Variants in UGGT2 observed in about 807,000 individuals in gnomAD.
The protein encoded by UGGT2 is UDP-glucose:glycoprotein glucosyltransferase 2.
Under a neutral mutation model 192.1 loss-of-function variants are expected in UGGT2, and 180 were observed. The observed-to-expected ratio is 0.94, with a 90% CI of 0.83 to 1.06. UGGT2 has a LOEUF of 1.06. Ranked by LOEUF, UGGT2 falls within the 50% of genes least tolerant of loss-of-function variation. The pLI is 0.00. For missense variants in UGGT2, 1,849 were observed against 1,795.7 expected, an observed-to-expected ratio of 1.03 and a Z score of -0.54; for synonymous variants, 580 against 591.0, an observed-to-expected ratio of 0.98 and a Z score of 0.27.
intron 12 of UGGT2, among the ~76,000 whole-genome samples, chr13:95,959,993 A>G (rs1594441990): frequency 6.6e-6 from 1 of 152,274 alleles, no homozygotes; most frequent in East Asian, 1.9e-4. Flanking sequence ...CAGAGACACC[A>G]CTGATGCTGT....
At chr13:95,961,381 T>C (rs917770804) in intron 12 of UGGT2, among the ~76,000 whole-genome samples, 1 of 152,048 alleles carries the variant, frequency 6.6e-6, no homozygotes, top group South Asian at 2.1e-4. Flanking sequence ...TAAAGAGATA[T>C]ATAAACTGGA....
At chr13:95,874,817 A>T (rs1328752983) in intron 29 of UGGT2, among the ~76,000 whole-genome samples, 1 of 151,820 alleles carries the variant, frequency 6.6e-6, no homozygotes, top group African/African-American at 2.4e-5. Flanking sequence ...TCAGCCTCCC[A>T]AGTAACTAGG....
At chr13:95,857,209 A>G (rs967380298) in intron 33 of UGGT2, among the ~76,000 whole-genome samples, 1 of 152,108 alleles carries the variant, frequency 6.6e-6, no homozygotes, top group Non-Finnish European at 1.5e-5. Flanking sequence ...AACAGCTGCC[A>G]GGAGTCATTG....
chr13:95,893,079 T>C (rs2047847674), intron 24 of UGGT2, among the ~76,000 whole-genome samples: 1 of 152,166 alleles, frequency 6.6e-6, no homozygotes. Context: ...AAAAATATAA[T>C]TGTTTTTTCT....
At chr13:95,838,677 G>C (rs957264497) in intron 36 of UGGT2, among the ~76,000 whole-genome samples, 1 of 151,804 alleles carries the variant, frequency 6.6e-6, no homozygotes. Flanking sequence ...GTAAACCTAA[G>C]ACTGCTCTAA....
At chr13:95,998,082 G>A (rs1228566208) in intron 6 of UGGT2, among the ~76,000 whole-genome samples, 1 of 152,152 alleles carries the variant, frequency 6.6e-6, no homozygotes, top group Admixed American at 6.6e-5. Context: ...GAAGACCTAA[G>A]ATCAGAGAGA....
Position 95,887,883 on chromosome 13 carries a change from CAGATTT to C in UGGT2, c.3038+3_3038+8del. ...TTTTCAAAATGAAATTTTGTTCACT[CAGATTT>C]ACCTTTCTAAAGGGGCTTCTGAAAG... On this transcript the variant is annotated splice_donor_5th_base_variant and intron_variant, in intron 26 of 38. Transcript: ENST00000376747. The C allele has an allele frequency of 6.5e-7, 1 of 1,549,666 alleles. No homozygotes were observed.
chr13:95,837,022 GA>G, intron 37 of UGGT2, 63 bp downstream of exon 37: 1 of 1,260,128 alleles, frequency 7.9e-7, no homozygotes, highest in South Asian at 1.2e-5. Flanking sequence ...AAAACAGAAA[GA>G]AAATATTTCT....
Position 96,038,536 on chromosome 13 carries a change from T to C in UGGT2, c.159-6565A>G, listed in dbSNP as rs555078388. Reference sequence around the variant, plus strand: ...CCAAGGATCCTCTACACATCTTTCCTGGATAACGCCATGTTTGTACTGGGC... The same window carrying C: ...CCAAGGATCCTCTACACATCTTTCCCGGATAACGCCATGTTTGTACTGGGC... On this transcript the variant is annotated intron_variant, in intron 1 of 38. Transcript: ENST00000376747. 5.4e-3 allele frequency among the ~76,000 whole-genome samples: 819 copies of C among 152,318 alleles called. 4 individuals carry two copies. The highest frequency in any genetic ancestry group is 9.2e-3 in the Non-Finnish European group (623 of 68,026).
At chr13:95,870,441 C>T (rs1410423544) in intron 29 of UGGT2, among the ~76,000 whole-genome samples, 5 of 152,144 alleles carry the variant, frequency 3.3e-5, no homozygotes, top group Non-Finnish European at 7.3e-5. Context: ...CTTCTTTTGT[C>T]AAGCACCGTC....
At chr13:95,936,174 C>A (rs1191890831) in intron 17 of UGGT2, among the ~76,000 whole-genome samples, 2 of 152,214 alleles carry the variant, frequency 1.3e-5, no homozygotes, top group African/African-American at 4.8e-5. Context: ...GGTCAAAAGA[C>A]TGGTTTTCAA....
chr13:96,018,017 A>C (rs1326949174), intron 4 of UGGT2, among the ~76,000 whole-genome samples: 1 of 152,238 alleles, frequency 6.6e-6, no homozygotes, highest in Non-Finnish European at 1.5e-5. Flanking sequence ...TGTATCATAC[A>C]TAAATTGGGA....
intron 1 of UGGT2, among the ~76,000 whole-genome samples, chr13:96,032,177 CAT>C (rs1309718835): frequency 6.6e-6 from 1 of 152,052 alleles, no homozygotes; most frequent in Non-Finnish European, 1.5e-5. Flanking sequence ...CAACTATAAA[CAT>C]ATAATCATGT....
At chr13:96,015,105 T>C (rs1412837624) in intron 4 of UGGT2, among the ~76,000 whole-genome samples, 1 of 151,820 alleles carries the variant, frequency 6.6e-6, no homozygotes, top group African/African-American at 2.4e-5. Context: ...GGTGAAACCC[T>C]GTCTGTACCA....
At chr13:95,895,621 C>T (rs760326093) in intron 22 of UGGT2, among the ~76,000 whole-genome samples, 3 of 151,836 alleles carry the variant, frequency 2.0e-5, no homozygotes, top group Non-Finnish European at 4.4e-5. Flanking sequence ...AATCATAAAT[C>T]GTGATTTGAA....
intron 38 of UGGT2, among the ~76,000 whole-genome samples, chr13:95,830,895 T>C (rs1263889277): frequency 1.3e-5 from 2 of 152,092 alleles, no homozygotes; most frequent in East Asian, 3.9e-4. Flanking sequence ...CCAAAAATGA[T>C]AGACTGGATT....
chr13:95,929,040 G>T (rs1184530270), intron 17 of UGGT2, among the ~76,000 whole-genome samples: 2 of 151,842 alleles, frequency 1.3e-5, no homozygotes, highest in African/African-American at 2.4e-5. Flanking sequence ...CAAAAAATAC[G>T]AAAACCAGTC....
chr13:95,841,710 C>A (rs1211934093), intron 36 of UGGT2, among the ~76,000 whole-genome samples: 3 of 152,128 alleles, frequency 2.0e-5, no homozygotes, highest in Non-Finnish European at 2.9e-5. Flanking sequence ...GCTAATTTAT[C>A]TTTTTCTTTT....
intron 4 of UGGT2, among the ~76,000 whole-genome samples, 165 bp downstream of exon 4, chr13:96,022,875 A>G (rs2052555957): frequency 6.6e-6 from 1 of 152,076 alleles, no homozygotes; most frequent in Non-Finnish European, 1.5e-5. Context: ...ATCAAAAGCT[A>G]ATCAAGACAA....
Sources: allele counts gnomAD v4.1 joint callset (sites outside exome capture counted in the v4.1 genomes callset), GRCh38; gene constraint gnomAD v4.1.1; transcripts MANE v1.5; gene names NCBI Gene and HGNC (gene_info 2026-07-23, HGNC 2026-07-21).